Variants in RALGAPA2 observed in about 807,000 individuals in gnomAD.
The protein encoded by RALGAPA2 is ral GTPase-activating protein subunit alpha-2.
A neutral mutation model predicts 230.4 loss-of-function variants in RALGAPA2; 139 were observed. The observed-to-expected ratio is 0.60, with a 90% CI of 0.53 to 0.69. The LOEUF (loss-of-function observed/expected upper bound fraction) is 0.69. Among genes scored for constraint, RALGAPA2 ranks in the 30% least tolerant of loss-of-function variants. RALGAPA2 has a pLI of 0.00. For synonymous variants in RALGAPA2, 847 were observed against 837.8 expected, an observed-to-expected ratio of 1.01 and a Z score of -0.19; for missense variants, 2,163 against 2,276.0, an observed-to-expected ratio of 0.95 and a Z score of 1.01.
intron 23 of RALGAPA2, among the ~76,000 whole-genome samples, chr20:20,559,232 C>G (rs966187617): frequency 8.5e-5 from 13 of 152,108 alleles, no homozygotes; most frequent in Non-Finnish European, 1.0e-4. Context: ...AGAGGGCAAC[C>G]CTGTGGTCAT....
At chr20:20,519,061 T>C (rs2062958333) in intron 31 of RALGAPA2, among the ~76,000 whole-genome samples, 1 of 152,302 alleles carries the variant, frequency 6.6e-6, no homozygotes, top group African/African-American at 2.4e-5. Flanking sequence ...AAATGAACCA[T>C]GTACCATCCA....
At chr20:20,578,510 T>A (rs1488777243) in intron 20 of RALGAPA2, among the ~76,000 whole-genome samples, 1 of 152,142 alleles carries the variant, frequency 6.6e-6, no homozygotes, top group East Asian at 1.9e-4. Flanking sequence ...AACACATAAA[T>A]AATTTTTACA....
chr20:20,616,333 G>T, intron 12 of RALGAPA2, 142 bp from the exon 13 acceptor site: 1 of 765,024 alleles, frequency 1.3e-6, no homozygotes, highest in Non-Finnish European at 2.0e-6. Context: ...TAAGGCAAGT[G>T]GTACCAACAC....
At chr20:20,585,077 A>T in intron 18 of RALGAPA2, 122 bp from the exon 19 acceptor site, 1 of 545,882 alleles carries the variant, frequency 1.8e-6, no homozygotes, top group Non-Finnish European at 3.1e-6. Flanking sequence ...AAATAAATTG[A>T]TGTTTTCCAT....
chr20:20,563,378 A>T (rs2064313551), intron 23 of RALGAPA2, among the ~76,000 whole-genome samples: 1 of 152,250 alleles, frequency 6.6e-6, no homozygotes, highest in Admixed American at 6.5e-5. Context: ...AACATCAATT[A>T]CAGAGCCCTT....
At chr20:20,646,130 C>T (rs1177439159) in intron 4 of RALGAPA2, among the ~76,000 whole-genome samples, 2 of 152,004 alleles carry the variant, frequency 1.3e-5, no homozygotes, top group African/African-American at 4.8e-5. Context: ...TCTCAGCTTA[C>T]TGCAACCTCC....
intron 31 of RALGAPA2, among the ~76,000 whole-genome samples, chr20:20,519,966 A>C (rs772066152): frequency 6.6e-6 from 1 of 152,094 alleles, no homozygotes; most frequent in South Asian, 2.1e-4. Flanking sequence ...CACAGACTCA[A>C]GTGGTCCTGT....
rs1256157468 is a variant in RALGAPA2 at position 20,546,689 on chromosome 20, C to T, written c.3285+15G>A. On this transcript the variant is annotated intron_variant, in intron 24 of 39. Coordinates refer to ENST00000202677, the MANE Select transcript of RALGAPA2 (RefSeq NM_020343.4). The stretch of plus-strand genomic sequence containing the variant: ...GCCTCTTGGGAGCTGGGATGCTGAG[C>T]ATTGTCATACTCACCGTCAAAATGT... 3.8e-6 allele frequency: 6 copies of T among 1,579,062 alleles called. No homozygotes were observed. In the African/African-American group the frequency reaches 8.2e-5, roughly 22 times the overall value.
intron 1 of RALGAPA2, among the ~76,000 whole-genome samples, chr20:20,698,193 T>C (rs1194146090): frequency 1.3e-5 from 2 of 151,668 alleles, no homozygotes; most frequent in Non-Finnish European, 2.9e-5. Context: ...GTGATGAAAA[T>C]GTTTTGGAAG....
chr20:20,529,871 A>G (rs1222733990), intron 27 of RALGAPA2, among the ~76,000 whole-genome samples: 1 of 152,154 alleles, frequency 6.6e-6, no homozygotes, highest in Non-Finnish European at 1.5e-5. Context: ...TAACACACCG[A>G]GTTATTCATA....
intron 4 of RALGAPA2, among the ~76,000 whole-genome samples, chr20:20,649,482 T>C (rs2067322363): frequency 6.6e-6 from 1 of 152,198 alleles, no homozygotes. Context: ...GGTTTTTACA[T>C]TATGTATATA....
intron 37 of RALGAPA2, among the ~76,000 whole-genome samples, chr20:20,413,402 A>G (rs547712639): frequency 2.6e-5 from 4 of 151,908 alleles, no homozygotes; most frequent in South Asian, 4.2e-4. Context: ...TCCTCTCCCT[A>G]CTCCTTCAGT....
chr20:20,690,765 T>C (rs929479750), intron 1 of RALGAPA2, among the ~76,000 whole-genome samples: 8 of 152,052 alleles, frequency 5.3e-5, no homozygotes, highest in African/African-American at 1.7e-4. Flanking sequence ...GGTGGCCCCC[T>C]TGCTCCCCAC....
chr20:20,615,205 G>A (rs974258389), intron 13 of RALGAPA2, among the ~76,000 whole-genome samples: 3 of 146,552 alleles, frequency 2.0e-5, no homozygotes, highest in African/African-American at 7.6e-5. Context: ...TCACTCTGTC[G>A]CCCAGGCTGG....
chr20:20,496,000 C>T lies in RALGAPA2; in HGVS notation c.5209-725G>A, dbSNP rs1028547176. 2.6e-5 allele frequency among the ~76,000 whole-genome samples: 4 copies of T among 152,184 alleles called. No individual in the cohort carries two copies. In the East Asian group the frequency reaches 7.7e-4, roughly 29 times the overall value. ...GGCGCTCAGGAAGGTGAAGGCACCA[C>T]CTACCCGAGGATGCATGAGTAGCAG... On this transcript the variant is annotated intron_variant, in intron 35 of 39. Coordinates refer to ENST00000202677, the MANE Select transcript of RALGAPA2 (RefSeq NM_020343.4).
At chr20:20,548,585 C>T (rs2063837188) in intron 23 of RALGAPA2, among the ~76,000 whole-genome samples, 1 of 152,044 alleles carries the variant, frequency 6.6e-6, no homozygotes, top group African/African-American at 2.4e-5. Flanking sequence ...AAAACATGAA[C>T]CATGCTTCTT....
intron 27 of RALGAPA2, among the ~76,000 whole-genome samples, chr20:20,528,449 G>A (rs553048565): frequency 3.9e-5 from 6 of 152,208 alleles, no homozygotes; most frequent in African/African-American, 1.4e-4. Flanking sequence ...GGCAGTGGGT[G>A]GGACGGACGA....
intron 20 of RALGAPA2, among the ~76,000 whole-genome samples, chr20:20,579,139 C>T (rs1324119157): frequency 6.6e-6 from 1 of 152,066 alleles, no homozygotes; most frequent in Non-Finnish European, 1.5e-5. Context: ...ATTTCTGTAA[C>T]ATTTGGATGC....
chr20:20,536,806 A>C, intron 24 of RALGAPA2, 22 bp from the exon 25 acceptor site: 2 of 1,603,310 alleles, frequency 1.2e-6, no homozygotes, highest in Non-Finnish European at 1.7e-6. Context: ...GAAGAGGAGC[A>C]CACACATTTC....
Sources: allele counts gnomAD v4.1 joint callset (sites outside exome capture counted in the v4.1 genomes callset), GRCh38; gene constraint gnomAD v4.1.1; transcripts MANE v1.5; gene names NCBI Gene and HGNC (gene_info 2026-07-23, HGNC 2026-07-21).